Variants in SPATA18 observed in about 807,000 individuals in gnomAD.
The protein encoded by SPATA18 is mitochondria-eating protein.
Under a neutral mutation model 68.1 loss-of-function variants are expected in SPATA18, and 54 were observed. The observed-to-expected ratio is 0.79, with a 90% CI of 0.64 to 0.99. The LOEUF (loss-of-function observed/expected upper bound fraction) is 0.99. Ranked by LOEUF, SPATA18 falls within the 50% of genes least tolerant of loss-of-function variation. The pLI is 0.00. For synonymous variants in SPATA18, 242 were observed against 244.8 expected (o/e 0.99, Z 0.11); for missense variants, 724 against 681.1 (o/e 1.06, Z -0.70).
chr4:52,091,838 G>T (rs949524511), intron 11 of SPATA18, among the ~76,000 whole-genome samples: 2 of 152,140 alleles, frequency 1.3e-5, no homozygotes, highest in Non-Finnish European at 2.9e-5. Context: ...GAGCCATCAG[G>T]CTGGGACGTT....
At position 52,072,046 on chromosome 4, in the gene SPATA18, G is replaced by T. The variant is rs1739897881; in HGVS notation, c.648G>T (p.Gln216His). 6.2e-7 allele frequency: 1 copy of T among 1,613,852 alleles called. No individual in the cohort carries two copies. Among genetic ancestry groups the T allele is most frequent in the Non-Finnish European group, 8.5e-7 (1 of 1,180,024 alleles). The change falls in exon 6 of 13, where the codon CAG becomes CAT. Residue 216 changes from glutamine (Q) to histidine (H), a missense_variant. Physicochemically the swap from Gln to His is conservative, Grantham distance 24. Transcript: ENST00000295213. Reference sequence around the variant, plus strand: ...GTGAGCAGTGGAACTCACTCAAGCAGAATGCAGACCAGCAGGACACAGAAG... The same window carrying T: ...GTGAGCAGTGGAACTCACTCAAGCATAATGCAGACCAGCAGGACACAGAAG... ...RKREQWNSLK[Q>H]NADQQDTEAM... is the part of the protein sequence containing the mutation.
intron 10 of SPATA18, chr4:52,083,605 C>A: frequency 2.6e-6 from 1 of 384,604 alleles, no homozygotes; most frequent in Non-Finnish European, 3.6e-6. Context: ...ATTAGCTGGG[C>A]ATCGTGGTGC....
At chr4:52,083,568 G>T (rs1280300224) in intron 10 of SPATA18, 14 of 724,868 alleles carry the variant, frequency 1.9e-5, no homozygotes, top group Non-Finnish European at 2.2e-5. Context: ...AACATAGCGA[G>T]ACCTCATCTC....
At chr4:52,079,102 T>C (rs1740679096) in intron 8 of SPATA18, among the ~76,000 whole-genome samples, 1 of 152,236 alleles carries the variant, frequency 6.6e-6, no homozygotes, top group Admixed American at 6.5e-5. Flanking sequence ...TGTCTGAGTT[T>C]CTTTAGATAG....
At chr4:52,061,483 G>GTAAAAA (rs1738844188) in intron 3 of SPATA18, among the ~76,000 whole-genome samples, 1 of 54,642 alleles carries the variant, frequency 1.8e-5, no homozygotes, top group Non-Finnish European at 4.1e-5. Flanking sequence ...AGAACCTAAA[G>GTAAAAA]TAAAAATAAT....
At chr4:52,065,644 A>G (rs1052269688) in intron 4 of SPATA18, among the ~76,000 whole-genome samples, 7 of 152,198 alleles carry the variant, frequency 4.6e-5, no homozygotes, top group African/African-American at 1.7e-4. Flanking sequence ...TCCACATTCT[A>G]TGGTAGCCAG....
chr4:52,079,606 C>T, intron 8 of SPATA18, 138 bp from the exon 9 acceptor site: 1 of 929,936 alleles, frequency 1.1e-6, no homozygotes, highest in Non-Finnish European at 1.6e-6. Context: ...CCTTTTAGCA[C>T]ATTCACTGTT....
At position 52,095,212 on chromosome 4, in the gene SPATA18, G is replaced by T. The variant is rs750993872; in HGVS notation, c.*325G>T. On this transcript the variant is annotated 3_prime_UTR_variant, in exon 13 of 13. Coordinates refer to ENST00000295213, the MANE Select transcript of SPATA18 (RefSeq NM_145263.4). ...CTCAAAACACTACGCTCTTTTATGG[G>T]AACTGTGTGAACTGAAGTGGAAAGC... is the stretch of plus-strand genomic sequence containing the variant. 1.2e-4 allele frequency: 42 copies of T among 361,252 alleles called. No homozygotes were observed. The highest frequency in any genetic ancestry group is 2.0e-4 in the Non-Finnish European group (40 of 201,538). 22.4% of individuals were successfully genotyped at this position (361,252 alleles called of 1,614,324 possible).
intron 1 of SPATA18, among the ~76,000 whole-genome samples, chr4:52,055,447 C>T (rs1738257185): frequency 6.6e-6 from 1 of 152,220 alleles, no homozygotes; most frequent in Non-Finnish European, 1.5e-5. Flanking sequence ...AACTTACCTA[C>T]AGGACTCAAT....
At chr4:52,074,391 T>C (rs577494355) in intron 6 of SPATA18, among the ~76,000 whole-genome samples, 1 of 152,304 alleles carries the variant, frequency 6.6e-6, no homozygotes, top group Admixed American at 6.5e-5. Flanking sequence ...TGACAGTTTT[T>C]GAGAGGCCCC....
intron 1 of SPATA18, 56 bp downstream of exon 1, chr4:52,051,847 C>A: frequency 6.6e-7 from 1 of 1,516,428 alleles, no homozygotes; most frequent in Non-Finnish European, 9.1e-7. Context: ...CCAGCACAGC[C>A]CTTGTCGGGG....
chr4:52,080,432 G>A (rs17084400), intron 9 of SPATA18, among the ~76,000 whole-genome samples: 6,050 of 152,226 alleles, frequency 0.04, 404 homozygotes, highest in African/African-American at 0.14. Context: ...TGACTCTTTT[G>A]TCTAGGACCA....
intron 1 of SPATA18, among the ~76,000 whole-genome samples, chr4:52,059,092 G>A (rs1034557992): frequency 6.6e-6 from 1 of 152,198 alleles, no homozygotes; most frequent in Non-Finnish European, 1.5e-5. Context: ...ATGCAGGGGT[G>A]GGAATACAAC....
At chr4:52,076,593 AT>A (rs1201670701) in intron 6 of SPATA18, among the ~76,000 whole-genome samples, 185 bp from the exon 7 acceptor site, 1 of 152,266 alleles carries the variant, frequency 6.6e-6, no homozygotes, top group Non-Finnish European at 1.5e-5. Context: ...TTGCTTATAA[AT>A]TTTTGGGACA....
intron 1 of SPATA18, among the ~76,000 whole-genome samples, chr4:52,056,223 C>T (rs144605147): frequency 3.3e-5 from 5 of 152,294 alleles, no homozygotes; most frequent in African/African-American, 1.2e-4. Context: ...GCTGAAGCCT[C>T]CCAAAGCCAC....
At chr4:52,076,702 T>C (rs1740376951) in intron 6 of SPATA18, 77 bp from the exon 7 acceptor site, 1 of 1,578,276 alleles carries the variant, frequency 6.3e-7, no homozygotes, top group East Asian at 2.2e-5. Context: ...GTCGGATTCA[T>C]TGGCCACCAG....
At chr4:52,086,985 G>A (rs1003840941) in intron 11 of SPATA18, among the ~76,000 whole-genome samples, 2 of 152,164 alleles carry the variant, frequency 1.3e-5, no homozygotes, top group African/African-American at 4.8e-5. Flanking sequence ...GTATCTCATT[G>A]TGGTTTTGAT....
intron 11 of SPATA18, among the ~76,000 whole-genome samples, chr4:52,094,067 C>A (rs1050412356): frequency 6.6e-6 from 1 of 152,114 alleles, no homozygotes; most frequent in South Asian, 2.1e-4. Flanking sequence ...GCCTGACCGG[C>A]TATGTCACTG....
intron 1 of SPATA18, among the ~76,000 whole-genome samples, chr4:52,054,772 A>G (rs1738190407): frequency 6.6e-6 from 1 of 151,696 alleles, no homozygotes; most frequent in African/African-American, 2.4e-5. Flanking sequence ...TGGACTGTGG[A>G]ACGGGAGGGG....
Sources: gnomAD v4.1 joint callset for allele counts (sites outside exome capture counted in the v4.1 genomes callset) on GRCh38, gnomAD v4.1.1 for gene constraint, MANE v1.5 for transcripts, NCBI Gene and HGNC (gene_info 2026-07-23, HGNC 2026-07-21) for gene names.